Variants in PSMG4 observed in about 807,000 individuals in gnomAD.
PSMG4 encodes proteasome assembly chaperone 4, also known as proteasome (prosome, macropain) assembly chaperone 4.
Under a neutral mutation model 11.0 loss-of-function variants are expected in PSMG4, and 10 were observed. That is an observed-to-expected ratio of 0.91 (90% CI 0.56 to 1.54). The LOEUF (loss-of-function observed/expected upper bound fraction) is 1.54, where lower values mean the gene tolerates loss of function less well. Among genes scored for constraint, PSMG4 ranks in the 40% most tolerant of loss-of-function variants. The pLI, the probability that PSMG4 is intolerant of heterozygous loss-of-function variation, is 0.00. For synonymous variants in PSMG4, 95 were observed against 71.3 expected (o/e 1.33, Z -1.68); for missense variants, 198 against 160.9 (o/e 1.23, Z -1.25).
At chr6:3,255,468 C>T (rs1261368038), upstream of PSMG4, among the ~76,000 whole-genome samples, 2 of 152,138 alleles carry the variant, frequency 1.3e-5, no homozygotes, top group Non-Finnish European at 2.9e-5. Flanking sequence ...TTTTATCTTC[C>T]CGTCTTTCTC....
At chr6:3,259,510 C>G (rs146238207) in intron 1 of PSMG4, among the ~76,000 whole-genome samples, 1 of 152,244 alleles carries the variant, frequency 6.6e-6, no homozygotes, top group Admixed American at 6.5e-5. Flanking sequence ...CCTCGTAGCT[C>G]TCCTGCCATC....
intron 2 of PSMG4, chr6:3,266,925 G>T (rs896960923): frequency 2.4e-4 from 36 of 150,680 alleles, no homozygotes; most frequent in East Asian, 9.8e-4. Context: ...GCGCGATCTT[G>T]GCTCACTGCA....
chr6:3,260,007 A>G (rs1206704282), intron 1 of PSMG4, among the ~76,000 whole-genome samples: 1 of 151,992 alleles, frequency 6.6e-6, no homozygotes, highest in Non-Finnish European at 1.5e-5. Context: ...TGTCATTATT[A>G]TAGCTCACTG....
intron 2 of PSMG4, chr6:3,264,139 G>A (rs1295540490): frequency 1.3e-6 from 2 of 1,541,472 alleles, no homozygotes; most frequent in Non-Finnish European, 1.8e-6. Context: ...GGAGGAGTCA[G>A]TGCAGCTGGT....
upstream of PSMG4, among the ~76,000 whole-genome samples, chr6:3,258,395 C>G (rs908603054): frequency 1.3e-5 from 2 of 152,188 alleles, no homozygotes; most frequent in African/African-American, 4.8e-5. Flanking sequence ...ACACAATTTT[C>G]CTTTCTAAAG....
rs1758078724 is a variant in PSMG4, at chr6:3,263,700, C to G, written c.191C>G (p.Ser64Cys). 3.0e-5 allele frequency: 46 copies of G among 1,550,288 alleles called. No homozygotes were observed. The highest frequency in any genetic ancestry group is 4.0e-5 in the Non-Finnish European group (46 of 1,146,334). The change falls in exon 2 of 3, where the codon TCT becomes TGT. Residue 64 changes from serine (S) to cysteine (C), a missense_variant. Physicochemically the swap from Ser to Cys is moderately radical, Grantham distance 112 (BLOSUM62 -1). Transcript: ENST00000438998. ...MCSRYDSIPV[S>C]TSLLGDTSDT... ...TTCTTTTAGGACTCCATCCCCGTGT[C>G]TACCTCCCTCCTTGGAGACACTTCC...
At chr6:3,254,892 G>A, upstream of PSMG4, among the ~76,000 whole-genome samples, 1 of 151,248 alleles carries the variant, frequency 6.6e-6, no homozygotes, top group East Asian at 1.9e-4. Flanking sequence ...CTCCGACCTT[G>A]TAAGTGAATG....
rs1052833229 is a variant in PSMG4 at position 3,267,663 on chromosome 6, T to C, written c.323T>C (p.Val108Ala). The C allele has an allele frequency of 1.0e-5, 16 of 1,552,134 alleles. No homozygotes were observed. The highest frequency in any genetic ancestry group is 1.3e-5 in the Non-Finnish European group (15 of 1,147,062). Residue 108 changes from valine (V) to alanine (A), a missense_variant, in exon 3 of 3, where the codon GTA becomes GCA. Val to Ala is a moderately conservative substitution (Grantham distance 64). Transcript: ENST00000438998. Reference sequence around the variant, plus strand: ...ACAGACAGTAACTTCGCATTACTTGTAGAAAACAGGATCAAGGAAGAGATG... The same window carrying C: ...ACAGACAGTAACTTCGCATTACTTGCAGAAAACAGGATCAAGGAAGAGATG... ...QNTDSNFALL[V>A]ENRIKEEMEA...
chr6:3,258,282 G>A (rs1757833674), upstream of PSMG4, among the ~76,000 whole-genome samples: 1 of 152,244 alleles, frequency 6.6e-6, no homozygotes, highest in Non-Finnish European at 1.5e-5. Context: ...AGGAAACTGA[G>A]TCTCAGAGAG....
At chr6:3,264,045 T>C (rs1758092850) in intron 2 of PSMG4, 2 of 1,410,952 alleles carry the variant, frequency 1.4e-6, no homozygotes, top group African/African-American at 2.9e-5. Flanking sequence ...CTTCCGTAAG[T>C]GCATCACCAC....
upstream of PSMG4, among the ~76,000 whole-genome samples, chr6:3,257,925 C>T (rs1245441074): frequency 6.6e-6 from 1 of 152,118 alleles, no homozygotes; most frequent in Non-Finnish European, 1.5e-5. Flanking sequence ...ATTGAATCAT[C>T]GATAATTAGC....
rs138354131 is a variant in PSMG4, at chr6:3,263,456, C to T, written c.175-228C>T. 1.1e-3 allele frequency among the ~76,000 whole-genome samples: 170 copies of T among 152,360 alleles called. 1 individual carries two copies. Among genetic ancestry groups the T allele is most frequent in the African/African-American group, 3.9e-3 (162 of 41,588 alleles). On this transcript the variant is annotated intron_variant, in intron 1 of 2. Transcript: ENST00000438998. ...AAACTGGTCCTAGAACTTAGTAGCA[C>T]TGTGGTTCCAGCTTCATCTTTCCCA...
upstream of PSMG4, chr6:3,255,184 GGTGGAAGTAGGAT>G (rs1757716251): frequency 1.3e-6 from 2 of 1,550,518 alleles, no homozygotes; most frequent in African/African-American, 2.7e-5. Flanking sequence ...TGTGCGCTCT[GGTGGAAGTAGGAT>G]GTTTGGTGGC....
At chr6:3,256,600 A>G (rs149797217), upstream of PSMG4, among the ~76,000 whole-genome samples, 17 of 151,746 alleles carry the variant, frequency 1.1e-4, no homozygotes, top group East Asian at 2.9e-3. Flanking sequence ...CCCAGGCATC[A>G]TAATGTTTTT....
At chr6:3,261,475 C>T (rs1039585836) in intron 1 of PSMG4, among the ~76,000 whole-genome samples, 1 of 152,162 alleles carries the variant, frequency 6.6e-6, no homozygotes, top group African/African-American at 2.4e-5. Flanking sequence ...GAAGTAGGCT[C>T]CTCCTGTGGG....
At chr6:3,254,938 G>C (rs999802986), upstream of PSMG4, 6 of 1,197,462 alleles carry the variant, frequency 5.0e-6, 1 homozygote, top group African/African-American at 3.1e-5. Flanking sequence ...TCTCTCACTG[G>C]GTGTCAGCTG....
rs763515915 is a variant in PSMG4 at position 3,258,995 on chromosome 6, C to G, written c.-28C>G. On this transcript the variant is annotated 5_prime_UTR_variant, in exon 1 of 3. Transcript: ENST00000438998. The stretch of plus-strand genomic sequence containing the variant: ...GGCAGCGGCGAGGACCCGGGTCTGG[C>G]GCTGTGGGCCGGGAGCCGTGGGGCG... 2 of 1,239,952 alleles carry G rather than the reference C, an allele frequency of 1.6e-6. No homozygotes were observed. The highest frequency in any genetic ancestry group is 2.9e-4 in the Middle Eastern group (1 of 3,462). 76.8% of individuals were successfully genotyped at this position (1,239,952 alleles called of 1,614,324 possible).
At position 3,259,032 on chromosome 6, in the gene PSMG4, C is replaced by T; in HGVS notation, c.10C>T (p.Leu4=). 4 of 1,249,946 alleles carry T rather than the reference C, an allele frequency of 3.2e-6. No individual in the cohort carries two copies. Among genetic ancestry groups the T allele is most frequent in the Non-Finnish European group, 4.0e-6 (4 of 996,142 alleles). 77.4% of individuals were successfully genotyped at this position (1,249,946 alleles called of 1,614,324 possible). The change falls in exon 1 of 3, where the codon CTG becomes TTG. Residue 4 remains leucine (L), a synonymous_variant. Coordinates refer to ENST00000438998, the MANE Select transcript of PSMG4 (RefSeq NM_001128591.2). ...GGAGCCGTGGGGCGGCATGGAGGGG[C>T]TGGTTGTCGCCGCCGGCGGGGACGT... MEG[L]VVAAGGDVSL... is the part of the protein sequence containing the mutation.
chr6:3,263,955 G>C (rs1374239213), intron 2 of PSMG4, 196 bp downstream of exon 2: 10 of 1,372,204 alleles, frequency 7.3e-6, no homozygotes, highest in Admixed American at 2.8e-5. Flanking sequence ...CATCACCACC[G>C]TCCCAGGGCT....
Sources: allele counts gnomAD v4.1 joint callset (sites outside exome capture counted in the v4.1 genomes callset), GRCh38; gene constraint gnomAD v4.1.1; transcripts MANE v1.5; gene names NCBI Gene and HGNC (gene_info 2026-07-23, HGNC 2026-07-21).